Variants in OR5M11 observed in about 807,000 individuals in gnomAD.
OR5M11 encodes the protein olfactory receptor family 5 subfamily M member 11.
For synonymous variants in OR5M11, 183 were observed against 147.7 expected, an observed-to-expected ratio of 1.24 and a Z score of -1.73; for missense variants, 411 against 375.8, an observed-to-expected ratio of 1.09 and a Z score of -0.77.
rs529010214 is a variant in OR5M11, at chr11:56,543,012, C to T, written c.246G>A (p.Ser82=). Residue 82 remains serine (S), a synonymous_variant, in exon 1 of 1, where the codon TCG becomes TCA. Transcript: ENST00000528616. Reference sequence around the variant, plus strand: ...TGGTCTTCTCAGATACGATATTAGTCGACATCTGCGGGGTTGCATTTGATG... The same window carrying T: ...TGGTCTTCTCAGATACGATATTAGTTGACATCTGCGGGGTTGCATTTGATG... ...CYTSNATPQM[S]TNIVSEKTIS... The T allele has an allele frequency of 1.9e-6, 3 of 1,613,888 alleles. No individual in the cohort carries two copies. Among genetic ancestry groups the T allele is most frequent in the African/African-American group, 1.3e-5 (1 of 75,022 alleles).
chr11:56,542,473 G>A lies in OR5M11; in HGVS notation c.785C>T (p.Pro262Leu). Residue 262 changes from proline to leucine, a missense_variant, in exon 1 of 1, where the codon CCA becomes CTA. Pro to Leu is a moderately conservative substitution (Grantham distance 98, BLOSUM62 -3). Transcript: ENST00000528616. ...GTLFCMYIRP[P>L]TDKTVEESKI... ...AGATTCCTCAACAGTCTTATCTGTT[G>A]GTGGTCTTATATACATGCAAAAGAG... 6.2e-7 allele frequency: 1 copy of A among 1,613,808 alleles called. No homozygotes were observed. The highest frequency in any genetic ancestry group is 8.5e-7 in the Non-Finnish European group (1 of 1,179,738).
rs766801301 is a variant in OR5M11, at chr11:56,543,165, A to C, written c.93T>G (p.Phe31Leu). The C allele has an allele frequency of 6.2e-7, 1 of 1,613,938 alleles. No individual in the cohort carries two copies. The highest frequency in any genetic ancestry group is 1.1e-5 in the South Asian group (1 of 91,078). ...PELQSLLFVL[F>L]LVVYLVTLLG... Reference sequence around the variant, plus strand: ...GCAGGGTGACGAGGTAAACAACCAGAAACAGCACAAAAAGCAGAGACTGGA... The same window carrying C: ...GCAGGGTGACGAGGTAAACAACCAGCAACAGCACAAAAAGCAGAGACTGGA... Residue 31 changes from phenylalanine (F) to leucine (L), a missense_variant, in exon 1 of 1, where the codon TTT (phenylalanine) becomes TTG (leucine). Coordinates refer to ENST00000528616, the MANE Select transcript of OR5M11 (RefSeq NM_001005245.1).
chr11:56,542,372 C>T lies in OR5M11; in HGVS notation c.886G>A (p.Val296Met), dbSNP rs759372544. ...AGGACATTCTTCAAGGCCTGCTTCA[C>T]ATCTTTATTCCTCAGACTGTAGATC... ...PLIYSLRNKD[V>M]KQALKNVLR is the part of the protein sequence containing the mutation. Residue 296 changes from valine to methionine, a missense_variant, in exon 1 of 1, where the codon GTG becomes ATG. Val to Met is a conservative substitution (Grantham distance 21, BLOSUM62 1). Coordinates refer to ENST00000528616, the MANE Select transcript of OR5M11 (RefSeq NM_001005245.1). 5 of 1,605,154 alleles carry T rather than the reference C, an allele frequency of 3.1e-6. No homozygotes were observed. The highest frequency in any genetic ancestry group is 2.2e-5 in the East Asian group (1 of 44,744).
In OR5M11 at chr11:56,542,552, C is replaced by A; in HGVS notation, c.706G>T (p.Ala236Ser). 6.2e-7 allele frequency: 1 copy of A among 1,613,898 alleles called. No homozygotes were observed. The highest frequency in any genetic ancestry group is 8.5e-7 in the Non-Finnish European group (1 of 1,179,842). The change falls in exon 1 of 1, where the codon GCA becomes TCA. Residue 236 changes from alanine to serine, a missense_variant. By Grantham distance (99) the Ala-to-Ser change is moderately conservative. Coordinates refer to ENST00000528616, the MANE Select transcript of OR5M11 (RefSeq NM_001005245.1). ...RIKSAEGRHK[A>S]FSTCGSHMMA... ...ATATGGGAACCACAGGTGGAGAATG[C>A]CTTGTGCCTTCCCTCTGCTGATTTG...
Position 56,542,848 on chromosome 11 carries a change from C to T in OR5M11, c.410G>A (p.Arg137Lys). The T allele has an allele frequency of 6.2e-7, 1 of 1,613,976 alleles. No individual in the cohort carries two copies. Among genetic ancestry groups the T allele is most frequent in the Non-Finnish European group, 8.5e-7 (1 of 1,179,972 alleles). Residue 137 changes from arginine to lysine, a missense_variant, in exon 1 of 1, where the codon AGG becomes AAG. By Grantham distance (26) the Arg-to-Lys change is conservative. Transcript: ENST00000528616. ...TGTGGCCAAGCAGATGCAAACTCTC[C>T]TGGACGTTTTCACACTGTAGCGCAG... Reference protein sequence around the residue: ...DPLRYSVKTSRRVCICLATFP... With the variant: ...DPLRYSVKTSKRVCICLATFP...
In OR5M11 at chr11:56,542,682, A is replaced by T; in HGVS notation, c.576T>A (p.Tyr192Ter). Reference sequence around the variant, plus strand: ...ATATGAACATGGCATGCTCTTTGACATAAGTATCAGAACAAGAAAGCTTAA... The same window carrying T: ...ATATGAACATGGCATGCTCTTTGACTTAAGTATCAGAACAAGAAAGCTTAA... ...PLIKLSCSDT[Y>*]VKEHAMFISA... The change falls in exon 1 of 1, where the codon TAT (tyrosine) becomes TAA (stop). Residue 192 changes from tyrosine (Y) to a stop codon, truncating the protein, a stop_gained. Transcript: ENST00000528616. LOFTEE classifies it low-confidence loss of function (END_TRUNC). The T allele has an allele frequency of 6.2e-7, 1 of 1,613,984 alleles. No homozygotes were observed. Among genetic ancestry groups the T allele is most frequent in the Non-Finnish European group, 8.5e-7 (1 of 1,179,892 alleles).
rs867414119 is a variant in OR5M11 at position 56,543,050 on chromosome 11, C to T, written c.208G>A (p.Asp70Asn). The change falls in exon 1 of 1, where the codon GAT becomes AAT. Residue 70 changes from aspartate to asparagine, a missense_variant. By Grantham distance (23) the Asp-to-Asn change is conservative. Coordinates refer to ENST00000528616, the MANE Select transcript of OR5M11 (RefSeq NM_001005245.1). ...GTTGCATTTGATGTATAGCACAAAT[C>T]CACAAAGGCTAAGTTAGTGAGGAAG... is the stretch of plus-strand genomic sequence containing the variant. ...YFFLTNLAFV[D>N]LCYTSNATPQ... 1 of 1,613,806 alleles carries T rather than the reference C, an allele frequency of 6.2e-7. No homozygotes were observed. Among genetic ancestry groups the T allele is most frequent in the Admixed American group, 1.7e-5 (1 of 60,004 alleles).
At position 56,542,461 on chromosome 11, in the gene OR5M11, G is replaced by GTCT. The variant is rs1343480588; in HGVS notation, c.794_796dup (p.Lys265dup). On this transcript the variant is annotated inframe_insertion, in exon 1 of 1. Coordinates refer to ENST00000528616, the MANE Select transcript of OR5M11 (RefSeq NM_001005245.1). ...AGCTATTATTTTAGATTCCTCAACAGTCTTATCTGTTGGTGGTCTTATATA... is the reference window on the plus strand; with the variant it reads ...AGCTATTATTTTAGATTCCTCAACAGTCTTCTTATCTGTTGGTGGTCTTATATA... 1.9e-6 allele frequency: 3 copies of GTCT among 1,613,624 alleles called. No individual in the cohort carries two copies. The highest frequency in any genetic ancestry group is 2.5e-6 in the Non-Finnish European group (3 of 1,179,696).
Position 56,543,204 on chromosome 11 carries a change from T to A in OR5M11, c.54A>T (p.Thr18=). 1 of 1,613,848 alleles carries A rather than the reference T, an allele frequency of 6.2e-7. No individual in the cohort carries two copies. Reference sequence around the variant, plus strand: ...GCAGAGACTGGAGTTCCGGGCAATCTGTGAGCCCAAGTAAAATGAATTCTG... The same window carrying A: ...GCAGAGACTGGAGTTCCGGGCAATCAGTGAGCCCAAGTAAAATGAATTCTG... The part of the protein sequence containing the change: ...AITEFILLGL[T]DCPELQSLLF... The change falls in exon 1 of 1, where the codon ACA becomes ACT. Residue 18 remains threonine, a synonymous_variant. Coordinates refer to ENST00000528616, the MANE Select transcript of OR5M11 (RefSeq NM_001005245.1).
rs1565163558 is a variant in OR5M11, at chr11:56,542,650, C to T, written c.608G>A (p.Gly203Asp). The change falls in exon 1 of 1, where the codon GGC (glycine) becomes GAC (aspartate). Residue 203 changes from glycine to aspartate, a missense_variant. Transcript: ENST00000528616. ...VKEHAMFISA[G>D]FNLSSSLTIV... Reference sequence around the variant, plus strand: ...GGTGAGGGAGCTGGAGAGGTTGAAGCCAGCAGATATGAACATGGCATGCTC... The same window carrying T: ...GGTGAGGGAGCTGGAGAGGTTGAAGTCAGCAGATATGAACATGGCATGCTC... 3 of 1,613,740 alleles carry T rather than the reference C, an allele frequency of 1.9e-6. 1 individual carries two copies. In the Admixed American group the frequency reaches 5.0e-5, roughly 27 times the overall value.
Position 56,542,610 on chromosome 11 carries a change from G to A in OR5M11, c.648C>T (p.Ser216=). 6.2e-7 allele frequency: 1 copy of A among 1,613,886 alleles called. No individual in the cohort carries two copies. The highest frequency in any genetic ancestry group is 1.7e-5 in the Admixed American group (1 of 59,990). Residue 216 remains serine (S), a synonymous_variant, in exon 1 of 1, where the codon TCC becomes TCT. Transcript: ENST00000528616. The part of the protein sequence containing the change: ...LSSSLTIVLV[S]YAFILAAILR... ...GGATGGCAGCAAGAATGAAGGCATA[G>A]GACACCAAGACGATGGTGAGGGAGC... is the stretch of plus-strand genomic sequence containing the variant.
chr11:56,542,860 A>G lies in OR5M11; in HGVS notation c.398T>C (p.Val133Ala). The change falls in exon 1 of 1, where the codon GTG (valine) becomes GCG (alanine). Residue 133 changes from valine to alanine, a missense_variant. Physicochemically the swap from Val to Ala is moderately conservative, Grantham distance 64 (BLOSUM62 0). Coordinates refer to ENST00000528616, the MANE Select transcript of OR5M11 (RefSeq NM_001005245.1). ...GATGCAAACTCTCCTGGACGTTTTC[A>G]CACTGTAGCGCAGAGGGTCATATAT... ...VAIYDPLRYS[V>A]KTSRRVCICL... 6.2e-7 allele frequency: 1 copy of G among 1,614,072 alleles called. No homozygotes were observed. The highest frequency in any genetic ancestry group is 8.5e-7 in the Non-Finnish European group (1 of 1,180,010).
rs575417759 is a variant in OR5M11 at position 56,542,896 on chromosome 11, C to A, written c.362G>T (p.Arg121Leu). The A allele has an allele frequency of 6.2e-7, 1 of 1,613,852 alleles. No homozygotes were observed. The highest frequency in any genetic ancestry group is 8.5e-7 in the Non-Finnish European group (1 of 1,179,902). ...FYMLAAMAYD[R>L]YVAIYDPLRY... ...CAGAGGGTCATATATGGCCACATAG[C>A]GGTCATAGGCCATTGCTGCCAGCAT... Residue 121 changes from arginine to leucine, a missense_variant, in exon 1 of 1, where the codon CGC becomes CTC. Transcript: ENST00000528616.
In OR5M11 at chr11:56,542,905, GC is replaced by G. The variant is rs764724070; in HGVS notation, c.352del (p.Ala118ProfsTer16). 4 of 1,613,884 alleles carry G rather than the reference GC, an allele frequency of 2.5e-6. No individual in the cohort carries two copies. In the African/African-American group the frequency reaches 5.3e-5, roughly 22 times the overall value. On this transcript the variant is annotated frameshift_variant, in exon 1 of 1. Coordinates refer to ENST00000528616, the MANE Select transcript of OR5M11 (RefSeq NM_001005245.1). LOFTEE classifies it low-confidence loss of function (END_TRUNC). ...LTEFYMLAAM[A>X]YDRYVAIYDP... ...ATATATGGCCACATAGCGGTCATAG[GC>G]CATTGCTGCCAGCATGTAAAACTCA... is the stretch of plus-strand genomic sequence containing the variant.
rs367925373 is a variant in OR5M11 at position 56,542,847 on chromosome 11, C to T, written c.411G>A (p.Arg137=). The change falls in exon 1 of 1, where the codon AGG becomes AGA. Residue 137 remains arginine, a synonymous_variant. Transcript: ENST00000528616. ...DPLRYSVKTS[R]RVCICLATFP... ...ATGTGGCCAAGCAGATGCAAACTCT[C>T]CTGGACGTTTTCACACTGTAGCGCA... is the stretch of plus-strand genomic sequence containing the variant. 2.4e-5 allele frequency: 39 copies of T among 1,613,834 alleles called. No individual in the cohort carries two copies. The highest frequency in any genetic ancestry group is 3.0e-5 in the Non-Finnish European group (35 of 1,179,960).
At position 56,542,750 on chromosome 11, in the gene OR5M11, A is replaced by G; in HGVS notation, c.508T>C (p.Ser170Pro). The change falls in exon 1 of 1, where the codon TCC (serine) becomes CCC (proline). Residue 170 changes from serine to proline, a missense_variant. Physicochemically the swap from Ser to Pro is moderately conservative, Grantham distance 74. Transcript: ENST00000528616. ...ILTFRLTFCR[S>P]SVINHFYCAD... ...CAGTAGAAGTGGTTGATGACACTGGATCTACAGAAGGTCAGGCGGAAGGTC... is the reference window on the plus strand; with the variant it reads ...CAGTAGAAGTGGTTGATGACACTGGGTCTACAGAAGGTCAGGCGGAAGGTC... 1 of 1,613,832 alleles carries G rather than the reference A, an allele frequency of 6.2e-7. No homozygotes were observed. Among genetic ancestry groups the G allele is most frequent in the Non-Finnish European group, 8.5e-7 (1 of 1,179,858 alleles).
Position 56,543,083 on chromosome 11 carries a change from T to G in OR5M11, c.175A>C (p.Met59Leu). 1 of 1,614,066 alleles carries G rather than the reference T, an allele frequency of 6.2e-7. No homozygotes were observed. Among genetic ancestry groups the G allele is most frequent in the South Asian group, 1.1e-5 (1 of 91,072 alleles). The change falls in exon 1 of 1, where the codon ATG becomes CTG. Residue 59 changes from methionine (M) to leucine (L), a missense_variant. Transcript: ENST00000528616. ...GCTAAGTTAGTGAGGAAGAAGTACA[T>G]GGGCGTGTGAAGGCGAGAGTCCAGT... ...MRLDSRLHTP[M>L]YFFLTNLAFV... is the part of the protein sequence containing the mutation.
rs770417880 is a variant in OR5M11, at chr11:56,542,718, G to A, written c.540C>T (p.Asp180=). ...AACAAGAAAGCTTAATGAGCGGCGGGTCAGCACAGTAGAAGTGGTTGATGA... is the reference window on the plus strand; with the variant it reads ...AACAAGAAAGCTTAATGAGCGGCGGATCAGCACAGTAGAAGTGGTTGATGA... ...SSVINHFYCA[D]PPLIKLSCSD... The change falls in exon 1 of 1, where the codon GAC becomes GAT. Residue 180 remains aspartate, a synonymous_variant. Coordinates refer to ENST00000528616, the MANE Select transcript of OR5M11 (RefSeq NM_001005245.1). 18 of 1,613,864 alleles carry A rather than the reference G, an allele frequency of 1.1e-5. No homozygotes were observed. The African/African-American group carries it at 1.7e-4, about 16-fold the overall frequency.
At position 56,543,092 on chromosome 11, in the gene OR5M11, G is replaced by A. The variant is rs773176884; in HGVS notation, c.166C>T (p.His56Tyr). ...IMLMRLDSRL[H>Y]TPMYFFLTNL... ...GTGAGGAAGAAGTACATGGGCGTGT[G>A]AAGGCGAGAGTCCAGTCTCATTAAC... Residue 56 changes from histidine to tyrosine, a missense_variant, in exon 1 of 1, where the codon CAC becomes TAC. By Grantham distance (83) the His-to-Tyr change is moderately conservative (BLOSUM62 2). Coordinates refer to ENST00000528616, the MANE Select transcript of OR5M11 (RefSeq NM_001005245.1). 1 of 1,614,036 alleles carries A rather than the reference G, an allele frequency of 6.2e-7. No homozygotes were observed. The highest frequency in any genetic ancestry group is 1.7e-5 in the Admixed American group (1 of 60,018).
Sources: gnomAD v4.1 joint callset for allele counts on GRCh38, gnomAD v4.1.1 for gene constraint, MANE v1.5 for transcripts, NCBI Gene and HGNC (gene_info 2026-07-23, HGNC 2026-07-21) for gene names.